COG5: variants seen among roughly 807,000 people sequenced by gnomAD.
COG5 encodes the protein component of oligomeric golgi complex 5.
In COG5, 86 loss-of-function variants were observed where a neutral mutation model predicts 110.4. That is an observed-to-expected ratio of 0.78 (90% CI 0.65 to 0.93). The LOEUF is 0.93. Ranked by LOEUF, COG5 falls within the 40% of genes least tolerant of loss-of-function variation. The pLI, the probability that COG5 is intolerant of heterozygous loss-of-function variation, is 0.00. For missense variants in COG5, 1,077 were observed against 987.0 expected, an observed-to-expected ratio of 1.09 and a Z score of -1.22; for synonymous variants, 360 against 334.6, an observed-to-expected ratio of 1.08 and a Z score of -0.83.
intron 11 of COG5, among the ~76,000 whole-genome samples, chr7:107,323,836 A>G (rs17429146): frequency 0.18 from 27,540 of 152,178 alleles, 2,690 homozygotes; most frequent in Non-Finnish European, 0.22. Context: ...GCCTAGGTAC[A>G]TTATATGCTC....
At chr7:107,509,378 C>A (rs1313949274) in intron 6 of COG5, among the ~76,000 whole-genome samples, 1 of 152,132 alleles carries the variant, frequency 6.6e-6, no homozygotes, top group Non-Finnish European at 1.5e-5. Context: ...AACAAAGCCT[C>A]CAAGAAATAT....
intron 12 of COG5, among the ~76,000 whole-genome samples, chr7:107,297,922 AATTG>A (rs1251632979): frequency 6.6e-6 from 1 of 152,146 alleles, no homozygotes; most frequent in Non-Finnish European, 1.5e-5. Flanking sequence ...TACACTTTAA[AATTG>A]ACTCCAGCAG....
intron 7 of COG5, among the ~76,000 whole-genome samples, chr7:107,392,092 G>A (rs907362041): frequency 5.3e-5 from 8 of 151,954 alleles, no homozygotes; most frequent in African/African-American, 1.7e-4. Context: ...CTCAGTCCCC[G>A]CCCCTAAAAA....
chr7:107,523,476 G>C (rs892915392), intron 6 of COG5, among the ~76,000 whole-genome samples: 1 of 151,986 alleles, frequency 6.6e-6, no homozygotes, highest in Non-Finnish European at 1.5e-5. Flanking sequence ...ACATGTGTTG[G>C]CATGGTTGTA....
intron 10 of COG5, among the ~76,000 whole-genome samples, chr7:107,336,623 T>C (rs1266358723): frequency 6.6e-6 from 1 of 152,214 alleles, no homozygotes. Context: ...TATATGAATG[T>C]AACAAATTAA....
rs541655625 is a variant in COG5, at chr7:107,517,204, G to T, written c.538+10033C>A. Among the ~76,000 whole-genome samples, 5 of 152,090 alleles carry T rather than the reference G, an allele frequency of 3.3e-5. No individual in the cohort carries two copies. The South Asian group carries it at 8.3e-4, about 25-fold the overall frequency. On this transcript the variant is annotated intron_variant, in intron 6 of 21. Coordinates refer to ENST00000297135, the MANE Select transcript of COG5 (RefSeq NM_006348.5). ...GAAAAACTTAGTGAAGCATACACAA[G>T]TATCAACAGCCGAATAGATCAAGTG... is the stretch of plus-strand genomic sequence containing the variant.
At chr7:107,312,506 G>C (rs1355784085) in intron 11 of COG5, among the ~76,000 whole-genome samples, 1 of 152,180 alleles carries the variant, frequency 6.6e-6, no homozygotes, top group African/African-American at 2.4e-5. Context: ...TGGGGAAAGA[G>C]GCGTCAGGGA....
chr7:107,204,019 C>G (rs1038533250), intron 21 of COG5, among the ~76,000 whole-genome samples: 1 of 152,216 alleles, frequency 6.6e-6, no homozygotes, highest in African/African-American at 2.4e-5. Context: ...CTCTGAAAGG[C>G]ACGCTCAAGA....
intron 17 of COG5, among the ~76,000 whole-genome samples, chr7:107,241,885 C>T (rs1801669220): frequency 6.6e-6 from 1 of 152,104 alleles, no homozygotes; most frequent in African/African-American, 2.4e-5. Context: ...AGGCTGAAAC[C>T]ATCCCCTTGC....
chr7:107,543,324 G>C (rs1802182711), intron 5 of COG5, among the ~76,000 whole-genome samples: 2 of 152,204 alleles, frequency 1.3e-5, no homozygotes, highest in Admixed American at 1.3e-4. Flanking sequence ...CAAGGAGACA[G>C]ATGCTCGTTG....
chr7:107,345,161 C>A (rs150213114), intron 10 of COG5, among the ~76,000 whole-genome samples: 1 of 152,252 alleles, frequency 6.6e-6, no homozygotes, highest in Admixed American at 6.5e-5. Flanking sequence ...GCAGTCAGAA[C>A]ACACACACTT....
intron 6 of COG5, among the ~76,000 whole-genome samples, chr7:107,507,781 G>C (rs1799140131): frequency 6.6e-6 from 1 of 152,102 alleles, no homozygotes; most frequent in African/African-American, 2.4e-5. Flanking sequence ...ATCAGATTAA[G>C]AAATATCATA....
At chr7:107,300,963 T>C (rs1419897658) in intron 11 of COG5, among the ~76,000 whole-genome samples, 2 of 152,140 alleles carry the variant, frequency 1.3e-5, no homozygotes, top group Non-Finnish European at 2.9e-5. Flanking sequence ...CATAGATTAA[T>C]GGTGCAGAAT....
intron 6 of COG5, among the ~76,000 whole-genome samples, chr7:107,466,382 C>T (rs1281291890): frequency 6.6e-6 from 1 of 151,986 alleles, no homozygotes; most frequent in Non-Finnish European, 1.5e-5. Flanking sequence ...GTATGTGATA[C>T]TGGCAAATGA....
At chr7:107,442,878 C>G (rs1221545627) in intron 6 of COG5, among the ~76,000 whole-genome samples, 1 of 152,088 alleles carries the variant, frequency 6.6e-6, no homozygotes, top group Non-Finnish European at 1.5e-5. Flanking sequence ...AATAGCTGAC[C>G]TAGCAGTATA....
intron 19 of COG5, among the ~76,000 whole-genome samples, chr7:107,215,726 C>CT (rs113400420): frequency 0.067 from 9,843 of 146,540 alleles, 378 homozygotes; most frequent in African/African-American, 0.11. Context: ...CAACTCACTT[C>CT]TTTTTTTTTT....
chr7:107,449,749 A>G (rs909503633), intron 6 of COG5, among the ~76,000 whole-genome samples: 1 of 152,230 alleles, frequency 6.6e-6, no homozygotes, highest in African/African-American at 2.4e-5. Context: ...CCATCTCAAG[A>G]TAAATGAATC....
At chr7:107,292,931 T>C (rs1806297176) in intron 12 of COG5, among the ~76,000 whole-genome samples, 1 of 152,194 alleles carries the variant, frequency 6.6e-6, no homozygotes, top group South Asian at 2.1e-4. Flanking sequence ...GAAAACTTTG[T>C]AATTTTGAGT....
intron 12 of COG5, among the ~76,000 whole-genome samples, chr7:107,294,501 G>A (rs1310693358): frequency 1.3e-5 from 2 of 152,144 alleles, no homozygotes; most frequent in East Asian, 1.9e-4. Context: ...ATTTTAAAAT[G>A]TTTATCAGTT....
Sources: allele counts gnomAD v4.1 joint callset (sites outside exome capture counted in the v4.1 genomes callset), GRCh38; gene constraint gnomAD v4.1.1; transcripts MANE v1.5; gene names NCBI Gene and HGNC (gene_info 2026-07-23, HGNC 2026-07-21).